The following CDYL2 variants were observed in gnomAD, a reference collection of about 807,000 sequenced individuals.
CDYL2 encodes chromodomain Y like 2.
In CDYL2, 23 loss-of-function variants were observed where a neutral mutation model predicts 49.4. The ratio of observed to expected loss-of-function variants is 0.47; its 90% CI spans 0.34 to 0.66. The LOEUF is 0.66. CDYL2 is among the 30% of genes least tolerant of loss of function. The probability of loss-of-function intolerance (pLI) is 0.01; values close to 1 mark genes in which losing one functional copy is unlikely to be tolerated. For missense variants in CDYL2, 678 were observed against 656.4 expected (o/e 1.03, Z -0.36); for synonymous variants, 360 against 268.8 (o/e 1.34, Z -3.32).
intron 3 of CDYL2, among the ~76,000 whole-genome samples, chr16:80,628,851 G>A (rs1007489904): frequency 6.6e-6 from 1 of 152,112 alleles, no homozygotes; most frequent in African/African-American, 2.4e-5. Context: ...GGAGGGGGGG[G>A]ATATCAGACA....
At chr16:80,683,585 G>C (rs1010264411) in intron 2 of CDYL2, among the ~76,000 whole-genome samples, 5 of 151,724 alleles carry the variant, frequency 3.3e-5, no homozygotes, top group Non-Finnish European at 7.4e-5. Flanking sequence ...GCAGGATGAG[G>C]TCAAGACAGC....
chr16:80,725,476 C>T (rs1905135169), intron 1 of CDYL2, among the ~76,000 whole-genome samples: 1 of 152,154 alleles, frequency 6.6e-6, no homozygotes, highest in Non-Finnish European at 1.5e-5. Context: ...CTGCTGTGTC[C>T]CCAGCATAGC....
At chr16:80,714,304 GAA>G (rs918436780) in intron 1 of CDYL2, among the ~76,000 whole-genome samples, 1 of 149,338 alleles carries the variant, frequency 6.7e-6, no homozygotes, top group African/African-American at 2.5e-5. Context: ...AATAAATCAA[GAA>G]AAAAAAAGCT....
At chr16:80,635,115 T>C (rs1331660911) in intron 2 of CDYL2, among the ~76,000 whole-genome samples, 1 of 152,228 alleles carries the variant, frequency 6.6e-6, no homozygotes, top group Non-Finnish European at 1.5e-5. Flanking sequence ...AAGGGAATTA[T>C]ACGCCACAAT....
intron 1 of CDYL2, among the ~76,000 whole-genome samples, chr16:80,704,608 G>A (rs374192321): frequency 4.6e-5 from 7 of 152,232 alleles, no homozygotes; most frequent in Non-Finnish European, 7.3e-5. Context: ...TTGGCAGTCA[G>A]GGAAGACTCC....
At chr16:80,635,206 T>A (rs1907762914) in intron 2 of CDYL2, among the ~76,000 whole-genome samples, 1 of 152,152 alleles carries the variant, frequency 6.6e-6, no homozygotes, top group Admixed American at 6.6e-5. Flanking sequence ...AGAAAAACCA[T>A]ATGATCATAT....
chr16:80,802,199 A>G (rs999749886), intron 1 of CDYL2, among the ~76,000 whole-genome samples: 2 of 152,216 alleles, frequency 1.3e-5, no homozygotes, highest in Non-Finnish European at 1.5e-5. Context: ...CAGAAGGTTC[A>G]TAAGTTCTAA....
At chr16:80,778,966 A>C (rs184673318) in intron 1 of CDYL2, among the ~76,000 whole-genome samples, 16 of 152,202 alleles carry the variant, frequency 1.1e-4, no homozygotes, top group Admixed American at 3.9e-4. Flanking sequence ...TAATACAGCA[A>C]AACAAATTTC....
At chr16:80,701,743 G>A (rs148225307) in intron 1 of CDYL2, among the ~76,000 whole-genome samples, 6 of 152,250 alleles carry the variant, frequency 3.9e-5, no homozygotes, top group Admixed American at 6.5e-5. Flanking sequence ...TAAATGTAAC[G>A]CAGTTTACAA....
rs73590425 is a variant in CDYL2 at position 80,613,587 on chromosome 16, T to G, written c.1008-751A>C. Among the ~76,000 whole-genome samples, 1,009 of 152,282 alleles carry G rather than the reference T, an allele frequency of 6.6e-3. 10 individuals are homozygous for G. Among genetic ancestry groups the G allele is most frequent in the African/African-American group, 0.023 (976 of 41,562 alleles). On this transcript the variant is annotated intron_variant, in intron 4 of 6. Transcript: ENST00000570137. Reference sequence around the variant, plus strand: ...GGAGCTACAATCCTGGCTACAAGACTGGGCAATATTTTCTCTCCCTGCCCT... The same window carrying G: ...GGAGCTACAATCCTGGCTACAAGACGGGGCAATATTTTCTCTCCCTGCCCT...
intron 2 of CDYL2, among the ~76,000 whole-genome samples, chr16:80,642,490 A>T (rs1281393494): frequency 6.6e-6 from 1 of 152,204 alleles, no homozygotes; most frequent in African/African-American, 2.4e-5. Context: ...TTCTTTATGC[A>T]AATAGTGTTG....
At chr16:80,797,783 C>T (rs1164643386) in intron 1 of CDYL2, among the ~76,000 whole-genome samples, 5 of 152,138 alleles carry the variant, frequency 3.3e-5, no homozygotes, top group Admixed American at 1.3e-4. Flanking sequence ...TCCACTCCAT[C>T]GCCATTACCA....
chr16:80,656,525 C>T (rs1394771361), intron 2 of CDYL2, among the ~76,000 whole-genome samples: 1 of 152,218 alleles, frequency 6.6e-6, no homozygotes, highest in African/African-American at 2.4e-5. Flanking sequence ...GGAAATGGTG[C>T]ATGCTACATA....
At position 80,608,341 on chromosome 16, in the gene CDYL2, C is replaced by A. The variant is rs536121602; in HGVS notation, c.1219-106G>T. On this transcript the variant is annotated intron_variant, in intron 5 of 6. Coordinates refer to ENST00000570137, the MANE Select transcript of CDYL2 (RefSeq NM_152342.4). ...CAACCATCCCAGTTCTGGAAGGCAT[C>A]TTGCCTTCCAGATCCTTATCTTATT... 15 of 1,238,106 alleles carry A rather than the reference C, an allele frequency of 1.2e-5. No individual in the cohort carries two copies. The East Asian group carries it at 4.0e-4, about 33-fold the overall frequency. The allele number at this position is 1,238,106 out of a possible 1,614,324, so 76.7% of individuals were successfully genotyped here. A position where few individuals can be genotyped will look rare whatever the true frequency, so the allele number is the denominator to read the frequency against.
At chr16:80,709,199 T>A (rs867637927) in intron 1 of CDYL2, among the ~76,000 whole-genome samples, 28 of 152,100 alleles carry the variant, frequency 1.8e-4, no homozygotes, top group African/African-American at 6.8e-4. Context: ...CTGGCCAACA[T>A]GGCGAAACCC....
In CDYL2 at chr16:80,633,210, T is replaced by C; in HGVS notation, c.643A>G (p.Asn215Asp). 6.2e-7 allele frequency: 1 copy of C among 1,614,172 alleles called. No individual in the cohort carries two copies. Among genetic ancestry groups the C allele is most frequent in the Non-Finnish European group, 8.5e-7 (1 of 1,180,012 alleles). ...LGSALTNGGL[N>D]LHSPVKRKLE... Reference sequence around the variant, plus strand: ...TTCCTCTTCACTGGACTGTGCAGGTTCAATCCCCCGTTGGTCAGAGCAGAG... The same window carrying C: ...TTCCTCTTCACTGGACTGTGCAGGTCCAATCCCCCGTTGGTCAGAGCAGAG... Residue 215 changes from asparagine (N) to aspartate (D), a missense_variant, in exon 3 of 7, where the codon AAC becomes GAC. Physicochemically the swap from Asn to Asp is conservative, Grantham distance 23. Around this residue, in one of 3 missense-constraint regions of CDYL2, gnomAD observed 478 missense variants for 427.0 expected, o/e 1.12. Coordinates refer to ENST00000570137, the MANE Select transcript of CDYL2 (RefSeq NM_152342.4).
chr16:80,635,290 G>T (rs1482113492), intron 2 of CDYL2, among the ~76,000 whole-genome samples: 1 of 152,166 alleles, frequency 6.6e-6, no homozygotes, highest in Non-Finnish European at 1.5e-5. Flanking sequence ...TCTGTTTGCA[G>T]ATGATGTGAC....
chr16:80,726,136 T>G lies in CDYL2; in HGVS notation c.25-41007A>C, dbSNP rs1006184268. Among the ~76,000 whole-genome samples the G allele has an allele frequency of 3.9e-5, 6 of 152,362 alleles. No individual in the cohort carries two copies. In the South Asian group the frequency reaches 1.2e-3, roughly 32 times the overall value. ...TAAGATTGCTCATCAGTTCAAACGG[T>G]TGAGGCAGGATAATGGGTTCATAGG... On this transcript the variant is annotated intron_variant, in intron 1 of 6. Coordinates refer to ENST00000570137, the MANE Select transcript of CDYL2 (RefSeq NM_152342.4).
chr16:80,774,074 A>G (rs1906999216), intron 1 of CDYL2, among the ~76,000 whole-genome samples: 1 of 152,166 alleles, frequency 6.6e-6, no homozygotes, highest in Non-Finnish European at 1.5e-5. Flanking sequence ...ATAATTCATT[A>G]AAGTGCACAT....
Sources: allele counts gnomAD v4.1 joint callset (sites outside exome capture counted in the v4.1 genomes callset), GRCh38; gene constraint gnomAD v4.1.1; regional missense constraint gnomAD v4.1.1; transcripts MANE v1.5; gene names NCBI Gene and HGNC (gene_info 2026-07-23, HGNC 2026-07-21).